Variants in ANKRD42 observed in about 807,000 individuals in gnomAD.
ANKRD42 encodes the protein ankyrin repeat domain-containing protein 42.
In ANKRD42, 43 loss-of-function variants were observed where a neutral mutation model predicts 51.5. That is an observed-to-expected ratio of 0.83 (90% CI 0.65 to 1.08). The LOEUF is 1.08. ANKRD42 is among the 50% of genes least tolerant of loss of function. The probability of loss-of-function intolerance (pLI) is 0.00; values close to 1 mark genes in which losing one functional copy is unlikely to be tolerated. For synonymous variants in ANKRD42, 203 were observed against 213.0 expected (o/e 0.95, Z 0.41); for missense variants, 608 against 629.3 (o/e 0.97, Z 0.36).
At chr11:83,216,405 G>C (rs1458282825) in intron 5 of ANKRD42, among the ~76,000 whole-genome samples, 1 of 151,644 alleles carries the variant, frequency 6.6e-6, no homozygotes, top group Non-Finnish European at 1.5e-5. Flanking sequence ...CTCACTGCAG[G>C]CTCCACCCCC....
rs1319386786 is a variant in ANKRD42, at chr11:83,248,780, T to C, written c.*576T>C. 3.5e-5 allele frequency: 34 copies of C among 976,388 alleles called. No homozygotes were observed. Among genetic ancestry groups the C allele is most frequent in the Non-Finnish European group, 4.1e-5 (34 of 821,812 alleles). The allele number at this position is 976,388 out of a possible 1,614,324, so 60.5% of individuals were successfully genotyped here. On this transcript the variant is annotated 3_prime_UTR_variant, in exon 11 of 11. Transcript: ENST00000533342. ...ACAAGATAGATGTTCCTTCTGACAC[T>C]AAGTTCCACTCTCCAGAGGAAGCTA... is the stretch of plus-strand genomic sequence containing the variant.
In ANKRD42 at chr11:83,230,114, C is replaced by T. The variant is rs75727075; in HGVS notation, c.913+2242C>T. Reference sequence around the variant, plus strand: ...TTGCCCAGGCTTGAATGCAATGGGGCGATCACGACTAACTGCAGCCTTGAC... The same window carrying T: ...TTGCCCAGGCTTGAATGCAATGGGGTGATCACGACTAACTGCAGCCTTGAC... On this transcript the variant is annotated intron_variant, in intron 7 of 10. Transcript: ENST00000533342. 1.0e-2 allele frequency among the ~76,000 whole-genome samples: 1,521 copies of T among 152,236 alleles called. 27 individuals are homozygous for T. Among genetic ancestry groups the T allele is most frequent in the African/African-American group, 0.034 (1,399 of 41,518 alleles).
intron 10 of ANKRD42, among the ~76,000 whole-genome samples, chr11:83,246,383 G>A (rs1863543292): frequency 6.6e-6 from 1 of 152,142 alleles, no homozygotes; most frequent in Non-Finnish European, 1.5e-5. Context: ...TAATGTAAGG[G>A]ACTTAGCATC....
chr11:83,224,876 G>A lies in ANKRD42; in HGVS notation c.608G>A (p.Gly203Asp). Residue 203 changes from glycine (G) to aspartate (D), a missense_variant, in exon 6 of 11, where the codon GGC becomes GAC. Physicochemically the swap from Gly to Asp is moderately conservative, Grantham distance 94. Coordinates refer to ENST00000533342, the MANE Select transcript of ANKRD42 (RefSeq NM_001300975.2). ...NLPVHLAAME[G>D]HLHCFKFLVS... ...CTAGTTCACTTAGCAGCCATGGAAG[G>A]CCACCTTCACTGTTTCAAATTCCTA... is the stretch of plus-strand genomic sequence containing the variant. The A allele has an allele frequency of 6.2e-7, 1 of 1,600,734 alleles. No homozygotes were observed. Among genetic ancestry groups the A allele is most frequent in the Non-Finnish European group, 8.5e-7 (1 of 1,172,110 alleles).
In ANKRD42 at chr11:83,235,000, C is replaced by CT. The variant is rs796576145; in HGVS notation, c.914-1399dup. Among the ~76,000 whole-genome samples, 11 of 152,264 alleles carry CT rather than the reference C, an allele frequency of 7.2e-5. 1 individual carries two copies. The highest frequency in any genetic ancestry group is 2.4e-4 in the African/African-American group (10 of 41,554). On this transcript the variant is annotated intron_variant, in intron 7 of 10. Coordinates refer to ENST00000533342, the MANE Select transcript of ANKRD42 (RefSeq NM_001300975.2). ...TTTGCCAGTAATGGAGGTGGGTTCG[C>CT]TTTTTAAAGCACCAAATTAACACCC...
chr11:83,254,356 T>C (rs963613011), intron 11 of ANKRD42, among the ~76,000 whole-genome samples: 2 of 152,028 alleles, frequency 1.3e-5, no homozygotes, highest in African/African-American at 2.4e-5. Context: ...CCCTAAATTT[T>C]CTATATTCTT....
At chr11:83,207,269 G>T (rs1862113092) in intron 3 of ANKRD42, among the ~76,000 whole-genome samples, 1 of 152,190 alleles carries the variant, frequency 6.6e-6, no homozygotes, top group South Asian at 2.1e-4. Context: ...GACACGTGGA[G>T]ATTATGGGAA....
At chr11:83,195,219 C>T (rs372766358) in intron 1 of ANKRD42, among the ~76,000 whole-genome samples, 1 of 152,148 alleles carries the variant, frequency 6.6e-6, no homozygotes, top group African/African-American at 2.4e-5. Context: ...ACTGGTGGCC[C>T]TCAAATCGGT....
chr11:83,228,231 C>CTTTTTTTTTTTTTT (rs11403803), intron 7 of ANKRD42, among the ~76,000 whole-genome samples: 2 of 59,012 alleles, frequency 3.4e-5, no homozygotes, highest in Non-Finnish European at 6.5e-5. Context: ...CTCTCTCTCT[C>CTTTTTTTTTTTTTT]TTTTTTTTTT....
At chr11:83,206,652 T>C (rs1416539888) in intron 3 of ANKRD42, among the ~76,000 whole-genome samples, 2 of 152,250 alleles carry the variant, frequency 1.3e-5, no homozygotes, top group African/African-American at 2.4e-5. Context: ...GCACTATCTA[T>C]GCAGAATGAG....
In ANKRD42 at chr11:83,211,373, C is replaced by A; in HGVS notation, c.529C>A (p.Leu177Ile). 1 of 1,614,154 alleles carries A rather than the reference C, an allele frequency of 6.2e-7. No homozygotes were observed. Among genetic ancestry groups the A allele is most frequent in the Non-Finnish European group, 8.5e-7 (1 of 1,180,018 alleles). Residue 177 changes from leucine (L) to isoleucine (I), a missense_variant, in exon 5 of 11, where the codon CTT (leucine) becomes ATT (isoleucine). Leu to Ile is a conservative substitution (Grantham distance 5). Coordinates refer to ENST00000533342, the MANE Select transcript of ANKRD42 (RefSeq NM_001300975.2). ...TCATGGGCGGCTTGGCTGCTTGCAA[C>A]TTCTTGTTAAATGGGGTTGTAGCAT... ...AFHGRLGCLQ[L>I]LVKWGCSIED...
At position 83,255,455 on chromosome 11, in the gene ANKRD42, A is replaced by G. The variant is rs565113364; in HGVS notation, c.1465-390A>G. Among the ~76,000 whole-genome samples, 24 of 152,346 alleles carry G rather than the reference A, an allele frequency of 1.6e-4. 1 individual carries two copies. The highest frequency in any genetic ancestry group is 4.8e-4 in the African/African-American group (20 of 41,580). On this transcript the variant is annotated intron_variant, in intron 11 of 11. Coordinates refer to the ANKRD42 transcript ENST00000260047. ...GATTCGCAGCACTATGGGACTGGCA[A>G]AAGAATCCAGAAGATGACATACTAA...
At chr11:83,258,849 T>A (rs1461743379), downstream of ANKRD42, among the ~76,000 whole-genome samples, 1 of 152,154 alleles carries the variant, frequency 6.6e-6, no homozygotes, top group Non-Finnish European at 1.5e-5. Flanking sequence ...TTTTCCTGAC[T>A]CTTGCCAAGT....
chr11:83,212,217 G>A (rs994410066), intron 5 of ANKRD42, among the ~76,000 whole-genome samples: 1 of 151,958 alleles, frequency 6.6e-6, no homozygotes, highest in Non-Finnish European at 1.5e-5. Flanking sequence ...TTCGTAGCTG[G>A]GTTTCAGGCA....
intron 3 of ANKRD42, 105 bp downstream of exon 3, chr11:83,206,270 C>A: frequency 1.1e-6 from 1 of 941,198 alleles, no homozygotes; most frequent in Non-Finnish European, 1.6e-6. Flanking sequence ...GTTTTATGTT[C>A]TAAACAAGAA....
At chr11:83,256,941 C>G (rs1173978105), downstream of ANKRD42, among the ~76,000 whole-genome samples, 1 of 152,162 alleles carries the variant, frequency 6.6e-6, no homozygotes, top group Non-Finnish European at 1.5e-5. Flanking sequence ...ATACCTACCT[C>G]ATATGGCTGT....
At chr11:83,212,622 A>G (rs968983722) in intron 5 of ANKRD42, 8 of 1,471,614 alleles carry the variant, frequency 5.4e-6, no homozygotes, top group Non-Finnish European at 7.4e-6. Context: ...AATAATATGA[A>G]CAGGCCTGAT....
chr11:83,235,423 T>G (rs1169842076), intron 7 of ANKRD42, among the ~76,000 whole-genome samples: 1 of 152,242 alleles, frequency 6.6e-6, no homozygotes. Flanking sequence ...AACAATCGTC[T>G]ATGTTAAAGA....
chr11:83,206,036 G>A, intron 2 of ANKRD42, 22 bp from the exon 3 acceptor site: 2 of 1,590,102 alleles, frequency 1.3e-6, no homozygotes, highest in Non-Finnish European at 1.7e-6. Context: ...TTTATCACTT[G>A]TTAACATGGT....
Sources: gnomAD v4.1 joint callset for allele counts (sites outside exome capture counted in the v4.1 genomes callset) on GRCh38, gnomAD v4.1.1 for gene constraint, MANE v1.5 for transcripts, NCBI Gene and HGNC (gene_info 2026-07-23, HGNC 2026-07-21) for gene names.